Variants in ARHGEF18 observed in about 807,000 individuals in gnomAD.
ARHGEF18 encodes the protein rho guanine nucleotide exchange factor 18.
A neutral mutation model predicts 155.7 loss-of-function variants in ARHGEF18; 93 were observed. The ratio of observed to expected loss-of-function variants is 0.60; its 90% CI spans 0.50 to 0.71. The LOEUF (loss-of-function observed/expected upper bound fraction) is 0.71, where lower values mean the gene tolerates loss of function less well. Among genes scored for constraint, ARHGEF18 ranks in the 30% least tolerant of loss-of-function variants. ARHGEF18 has a pLI of 0.00. For missense variants in ARHGEF18, 1,593 were observed against 1,816.1 expected (o/e 0.88, Z 2.23); for synonymous variants, 742 against 753.1 (o/e 0.99, Z 0.24).
At chr19:7,390,008 T>C (rs1653454438) in intron 10 of ARHGEF18, among the ~76,000 whole-genome samples, 4 of 151,782 alleles carry the variant, frequency 2.6e-5, no homozygotes, top group Admixed American at 2.6e-4. Flanking sequence ...CTGGGCAATA[T>C]AGTGAGACCC....
intron 10 of ARHGEF18, among the ~76,000 whole-genome samples, chr19:7,424,752 T>C (rs1337743850): frequency 1.3e-5 from 2 of 152,146 alleles, no homozygotes; most frequent in Non-Finnish European, 2.9e-5. Context: ...TCCCAGCACT[T>C]TGGGAGGCCG....
chr19:7,408,133 T>C (rs1385232420), intron 10 of ARHGEF18, among the ~76,000 whole-genome samples: 1 of 151,784 alleles, frequency 6.6e-6, no homozygotes, highest in Middle Eastern at 3.2e-3. Context: ...ACAAAAATTA[T>C]CCAGGCATTG....
rs113154139 is a variant in ARHGEF18 at position 7,463,675 on chromosome 19, T to C, written c.2636-143T>C. The C allele has an allele frequency of 0.016, 17,108 of 1,074,794 alleles. 870 individuals are homozygous for C. The highest frequency in any genetic ancestry group is 0.15 in the African/African-American group (9,506 of 61,838). The allele number at this position is 1,074,794 out of a possible 1,614,324, so 66.6% of individuals were successfully genotyped here. A position where few individuals can be genotyped will look rare whatever the true frequency, so the allele number is the denominator to read the frequency against. On this transcript the variant is annotated intron_variant, in intron 21 of 28. Transcript: ENST00000668164. The surrounding 1 kb of genome is among the most constrained non-coding windows in gnomAD (Gnocchi z 5.2). ...GTGCGCAGGGACAGTGGGGCTGAAA[T>C]CCCACGGCACACAGAAGGGGGCAGG...
chr19:7,369,981 G>A (rs1208679857), intron 2 of ARHGEF18, among the ~76,000 whole-genome samples: 1 of 152,046 alleles, frequency 6.6e-6, no homozygotes, highest in African/African-American at 2.4e-5. Context: ...AGGATCATCT[G>A]AAATCAGGAA....
Position 7,463,779 on chromosome 19 carries a change from G to T in ARHGEF18, c.2636-39G>T. The T allele has an allele frequency of 2.6e-6, 4 of 1,565,600 alleles. No individual in the cohort carries two copies. In the South Asian group the frequency reaches 4.7e-5, roughly 18 times the overall value. ...CTCCGTATTCCCCCAGCACACTTCC[G>T]CAGGGCGACCCGTGCCTCCTGTCCC... On this transcript the variant is annotated intron_variant, in intron 21 of 28. Transcript: ENST00000668164. This position sits in a 1 kb window ranked among gnomAD's most constrained non-coding sequence, Gnocchi z 5.2.
Position 7,440,363 on chromosome 19 carries a change from C to T in ARHGEF18, c.987C>T (p.Pro329=), listed in dbSNP as rs1974560573. 6.2e-7 allele frequency: 1 copy of T among 1,612,528 alleles called. No homozygotes were observed. Among genetic ancestry groups the T allele is most frequent in the Non-Finnish European group, 8.5e-7 (1 of 1,179,978 alleles). ...FLSSASLKEH[P]RGTLLSDGSP... Reference sequence around the variant, plus strand: ...TCACAGCCTCGCTCAAGGAGCACCCCCGGGGCACCCTCCTGTCCGATGGCA... The same window carrying T: ...TCACAGCCTCGCTCAAGGAGCACCCTCGGGGCACCCTCCTGTCCGATGGCA... Residue 329 remains proline (P), a synonymous_variant, in exon 11 of 29, where the codon CCC becomes CCT. Transcript: ENST00000668164. This position sits in a 1 kb window ranked among gnomAD's most constrained non-coding sequence, Gnocchi z 5.4.
At chr19:7,459,529 C>G (rs916766676) in intron 19 of ARHGEF18, among the ~76,000 whole-genome samples, 3 of 152,200 alleles carry the variant, frequency 2.0e-5, no homozygotes, top group Non-Finnish European at 4.4e-5. Context: ...CACTCCCTCT[C>G]TTGATTCCCG....
At chr19:7,407,663 C>G (rs1731876729) in intron 10 of ARHGEF18, among the ~76,000 whole-genome samples, 3 of 152,130 alleles carry the variant, frequency 2.0e-5, no homozygotes, top group Admixed American at 6.6e-5. Context: ...CCTTCCAGAA[C>G]AAACCAATTA....
rs374690580 is a variant in ARHGEF18, at chr19:7,368,020, C to CGGAAGGAAGGAA, written c.16-4776_16-4765dup. Among the ~76,000 whole-genome samples, 524 of 95,158 alleles carry CGGAAGGAAGGAA rather than the reference C, an allele frequency of 5.5e-3. 10 individuals are homozygous for CGGAAGGAAGGAA. Among genetic ancestry groups the CGGAAGGAAGGAA allele is most frequent in the Middle Eastern group, 6.8e-3 (1 of 146 alleles). 62.4% of individuals were successfully genotyped at this position (95,158 alleles called of 152,430 possible). A position where few individuals can be genotyped will look rare whatever the true frequency, so the allele number is the denominator to read the frequency against. ...GAGAGAGGGAGGGAGGGAGGGAGGG[C>CGGAAGGAAGGAA]GGAAGGAAGGAAGGAAGGAAGGAAG... On this transcript the variant is annotated intron_variant, in intron 2 of 28. Coordinates refer to ENST00000668164, the MANE Select transcript of ARHGEF18 (RefSeq NM_001367823.1).
At chr19:7,376,238 G>A (rs779746678) in intron 4 of ARHGEF18, among the ~76,000 whole-genome samples, 9 of 152,184 alleles carry the variant, frequency 5.9e-5, no homozygotes, top group Non-Finnish European at 1.0e-4. Context: ...GTTGGGGTAT[G>A]CAGCTACAGC....
chr19:7,469,948 G>C lies in ARHGEF18; in HGVS notation c.3832G>C (p.Gly1278Arg), dbSNP rs1322676496. The C allele has an allele frequency of 6.2e-7, 1 of 1,612,994 alleles. No homozygotes were observed. The highest frequency in any genetic ancestry group is 2.2e-5 in the East Asian group (1 of 44,866). Residue 1278 changes from glycine to arginine, a missense_variant, in exon 28 of 29, where the codon GGG becomes CGG. By Grantham distance (125) the Gly-to-Arg change is moderately radical. Coordinates refer to ENST00000668164, the MANE Select transcript of ARHGEF18 (RefSeq NM_001367823.1). Reference protein sequence around the residue: ...KQQLLLNKLMGKDESTSRNRR... With the variant: ...KQQLLLNKLMRKDESTSRNRR... ...GCAGCTGCTGCTCAACAAGCTCATG[G>C]GGAAAGATGAGAGCACCTCACGGAA... is the stretch of plus-strand genomic sequence containing the variant.
At chr19:7,367,720 T>A (rs1463590988) in intron 2 of ARHGEF18, among the ~76,000 whole-genome samples, 1 of 134,054 alleles carries the variant, frequency 7.5e-6, no homozygotes, top group Non-Finnish European at 1.6e-5. Flanking sequence ...CACTCCAGCC[T>A]AGGCAACAAG....
chr19:7,473,344 T>C (rs1398674300), downstream of ARHGEF18: 2 of 450,224 alleles, frequency 4.4e-6, no homozygotes, highest in South Asian at 3.1e-5. Context: ...TGTGGAATTT[T>C]TCATTTTTAG....
At chr19:7,400,341 C>T (rs1265216865) in intron 10 of ARHGEF18, among the ~76,000 whole-genome samples, 1 of 151,966 alleles carries the variant, frequency 6.6e-6, no homozygotes, top group Non-Finnish European at 1.5e-5. Flanking sequence ...TTTAAAAAAA[C>T]AGGGTCTTGC....
chr19:7,476,488 A>G (rs1278574237), downstream of ARHGEF18, among the ~76,000 whole-genome samples: 1 of 152,168 alleles, frequency 6.6e-6, no homozygotes, highest in Non-Finnish European at 1.5e-5. Flanking sequence ...ATCCCATCCC[A>G]CCACACATTG....
intron 15 of ARHGEF18, among the ~76,000 whole-genome samples, chr19:7,450,461 C>CGGG (rs1975314317): frequency 2.7e-4 from 1 of 3,760 alleles, no homozygotes; most frequent in African/African-American, 7.1e-4. Flanking sequence ...GATGTTAATA[C>CGGG]AGGATCTTGC....
downstream of ARHGEF18, chr19:7,473,033 G>C: frequency 2.2e-6 from 1 of 456,260 alleles, no homozygotes; most frequent in Non-Finnish European, 4.4e-6. Flanking sequence ...TGCCCACCGG[G>C]TACACTTCAG....
At chr19:7,407,303 G>T (rs1413782715) in intron 10 of ARHGEF18, among the ~76,000 whole-genome samples, 1 of 151,770 alleles carries the variant, frequency 6.6e-6, no homozygotes, top group Non-Finnish European at 1.5e-5. Flanking sequence ...GCGGGCACCT[G>T]TAATCCCAGC....
At chr19:7,425,250 T>C (rs1973589358) in intron 10 of ARHGEF18, among the ~76,000 whole-genome samples, 1 of 152,134 alleles carries the variant, frequency 6.6e-6, no homozygotes, top group Non-Finnish European at 1.5e-5. Flanking sequence ...CAGTTTACCT[T>C]AGTTCTTATC....
Sources: gnomAD v4.1 joint callset for allele counts (sites outside exome capture counted in the v4.1 genomes callset) on GRCh38, gnomAD v4.1.1 for gene constraint, Gnocchi (gnomAD v3.1) non-coding constraint, MANE v1.5 for transcripts, NCBI Gene and HGNC (gene_info 2026-07-23, HGNC 2026-07-21) for gene names.